DLG2: variants seen among roughly 807,000 people sequenced by gnomAD.
The protein encoded by DLG2 is disks large homolog 2.
A neutral mutation model predicts 132.5 loss-of-function variants in DLG2; 45 were observed. The observed-to-expected ratio is 0.34, with a 90% CI of 0.27 to 0.44. The LOEUF is 0.44. Ranked by LOEUF, DLG2 falls within the 20% of genes least tolerant of loss-of-function variation. The pLI is 1.00. For missense variants in DLG2, 1,045 were observed against 1,196.9 expected, an observed-to-expected ratio of 0.87 and a Z score of 1.87; for synonymous variants, 424 against 419.6, an observed-to-expected ratio of 1.01 and a Z score of -0.13.
At chr11:84,041,250 T>C (rs2096071266) in intron 11 of DLG2, among the ~76,000 whole-genome samples, 1 of 152,018 alleles carries the variant, frequency 6.6e-6, no homozygotes, top group Non-Finnish European at 1.5e-5. Flanking sequence ...GGAAACACTG[T>C]TGCAATTAAT....
chr11:83,972,749 G>A (rs1329063878), intron 12 of DLG2, among the ~76,000 whole-genome samples: 1 of 152,106 alleles, frequency 6.6e-6, no homozygotes, highest in African/African-American at 2.4e-5. Context: ...TTTGTGTTGA[G>A]TCAGAGAGTA....
chr11:85,364,765 G>A (rs2084409906), intron 3 of DLG2, among the ~76,000 whole-genome samples: 1 of 152,076 alleles, frequency 6.6e-6, no homozygotes, highest in Non-Finnish European at 1.5e-5. Flanking sequence ...ATTCCATGAA[G>A]CATGACATAG....
At chr11:84,702,272 T>C (rs2059302063) in intron 6 of DLG2, among the ~76,000 whole-genome samples, 1 of 151,636 alleles carries the variant, frequency 6.6e-6, no homozygotes, top group South Asian at 2.1e-4. Flanking sequence ...TTCTGCATTC[T>C]GACAGCAGTA....
intron 3 of DLG2, among the ~76,000 whole-genome samples, chr11:85,296,406 G>A (rs978323104): frequency 4.6e-5 from 7 of 150,768 alleles, no homozygotes; most frequent in Admixed American, 2.6e-4. Context: ...TCCTCAAATC[G>A]GATATATAAG....
chr11:84,749,633 T>C (rs374971622), intron 6 of DLG2, among the ~76,000 whole-genome samples: 9 of 152,230 alleles, frequency 5.9e-5, no homozygotes, highest in African/African-American at 2.2e-4. Context: ...TCTATGATAT[T>C]TGCACAACAG....
At chr11:84,350,406 T>C (rs1157910248) in intron 7 of DLG2, among the ~76,000 whole-genome samples, 1 of 152,196 alleles carries the variant, frequency 6.6e-6, no homozygotes. Flanking sequence ...AAAACCACTG[T>C]TCTACAGCAT....
intron 4 of DLG2, among the ~76,000 whole-genome samples, chr11:85,170,065 A>G (rs951641308): frequency 6.6e-6 from 1 of 152,234 alleles, no homozygotes; most frequent in African/African-American, 2.4e-5. Flanking sequence ...TTTTAATTCA[A>G]TAAAAGTTTA....
At chr11:84,870,388 C>T (rs2085294496) in intron 6 of DLG2, among the ~76,000 whole-genome samples, 1 of 152,166 alleles carries the variant, frequency 6.6e-6, no homozygotes, top group Admixed American at 6.5e-5. Context: ...ATTCTTCAAG[C>T]TTAACAAGTG....
At chr11:85,489,147 A>G (rs1172886076) in intron 3 of DLG2, among the ~76,000 whole-genome samples, 1 of 152,244 alleles carries the variant, frequency 6.6e-6, no homozygotes, top group South Asian at 2.1e-4. Flanking sequence ...CATGAAAAAA[A>G]TCATCCAACT....
At chr11:84,473,110 T>A (rs1287955337) in intron 7 of DLG2, among the ~76,000 whole-genome samples, 2 of 152,064 alleles carry the variant, frequency 1.3e-5, no homozygotes, top group Non-Finnish European at 2.9e-5. Context: ...TTGTCTAAAG[T>A]TCATTCACCT....
At chr11:84,492,395 A>C (rs1391412201) in intron 7 of DLG2, among the ~76,000 whole-genome samples, 1 of 152,164 alleles carries the variant, frequency 6.6e-6, no homozygotes, top group Non-Finnish European at 1.5e-5. Context: ...TAGAATGCAC[A>C]GGCTTTTGTA....
chr11:84,141,844 T>C (rs2094862860), intron 9 of DLG2, among the ~76,000 whole-genome samples: 3 of 152,144 alleles, frequency 2.0e-5, no homozygotes, highest in Admixed American at 1.3e-4. Flanking sequence ...GAAATAATAA[T>C]CTCTGGAAAC....
chr11:84,391,324 T>C (rs2098791958), intron 7 of DLG2, among the ~76,000 whole-genome samples: 1 of 152,176 alleles, frequency 6.6e-6, no homozygotes, highest in Non-Finnish European at 1.5e-5. Context: ...AAATATTTGA[T>C]TGGATGATAA....
chr11:84,922,606 G>T (rs578156112), intron 6 of DLG2, among the ~76,000 whole-genome samples: 151 of 152,216 alleles, frequency 9.9e-4, no homozygotes, highest in African/African-American at 3.5e-3. Context: ...ATATGCACAG[G>T]ATGGTCAGGT....
intron 7 of DLG2, among the ~76,000 whole-genome samples, chr11:84,310,315 C>T (rs2098273618): frequency 6.6e-6 from 1 of 152,142 alleles, no homozygotes; most frequent in Non-Finnish European, 1.5e-5. Flanking sequence ...TGATCATAAG[C>T]ATTACTCTTA....
At chr11:85,017,676 A>G (rs2059685697) in intron 6 of DLG2, among the ~76,000 whole-genome samples, 1 of 152,222 alleles carries the variant, frequency 6.6e-6, no homozygotes, top group African/African-American at 2.4e-5. Context: ...GAGAAAAGTA[A>G]TCAAGTCACC....
intron 18 of DLG2, among the ~76,000 whole-genome samples, chr11:83,641,912 TGAGA>T (rs149292458): frequency 1.1e-4 from 17 of 149,758 alleles, no homozygotes; most frequent in Non-Finnish European, 1.9e-4. Flanking sequence ...TGTGTGTGTG[TGAGA>T]GAGAGAGAGA....
intron 15 of DLG2, among the ~76,000 whole-genome samples, chr11:83,923,180 C>T (rs948910368): frequency 1.3e-5 from 2 of 152,036 alleles, no homozygotes; most frequent in Non-Finnish European, 2.9e-5. Flanking sequence ...TTTGTGATAG[C>T]AACAAAAATC....
intron 6 of DLG2, among the ~76,000 whole-genome samples, chr11:84,929,023 T>TATATA (rs2047785498): frequency 1.5e-5 from 2 of 131,698 alleles, no homozygotes; most frequent in South Asian, 5.0e-4. Context: ...TATATATATA[T>TATATA]ATTACTGTGA....
Sources: gnomAD v4.1 joint callset for allele counts (sites outside exome capture counted in the v4.1 genomes callset) on GRCh38, gnomAD v4.1.1 for gene constraint, MANE v1.5 for transcripts, NCBI Gene and HGNC (gene_info 2026-07-23, HGNC 2026-07-21) for gene names.